Variants in C2CD2 observed in about 807,000 individuals in gnomAD.
C2CD2 encodes C2 domain-containing protein 2.
C2CD2 carries 43 observed loss-of-function variants against 74.3 expected under a neutral mutation model. The observed-to-expected ratio is 0.58, with a 90% CI of 0.45 to 0.75. C2CD2 has a LOEUF of 0.75. Among genes scored for constraint, C2CD2 ranks in the 30% least tolerant of loss-of-function variants. The pLI is 0.00. For missense variants in C2CD2, 801 were observed against 916.3 expected (o/e 0.87, Z 1.63); for synonymous variants, 422 against 390.7 (o/e 1.08, Z -0.94).
intron 2 of C2CD2, among the ~76,000 whole-genome samples, chr21:41,930,709 A>G (rs1355679533): frequency 6.8e-6 from 1 of 146,128 alleles, no homozygotes; most frequent in African/African-American, 2.4e-5. Context: ...CTCAAAACAA[A>G]ACAAAAAAAA....
intron 1 of C2CD2, among the ~76,000 whole-genome samples, chr21:41,944,881 T>C (rs1349028932): frequency 1.3e-5 from 2 of 152,134 alleles, no homozygotes; most frequent in East Asian, 1.9e-4. Context: ...AAACAGACTA[T>C]AGAAACCCCG....
chr21:41,930,469 G>A (rs781182986), intron 2 of C2CD2, among the ~76,000 whole-genome samples: 17 of 150,224 alleles, frequency 1.1e-4, no homozygotes, highest in Admixed American at 2.7e-4. Flanking sequence ...TTGGGAAGCC[G>A]AGGTGGGCGG....
chr21:41,885,483 T>G lies in C2CD2; in HGVS notation c.*3641A>C, dbSNP rs1045071. The stretch of plus-strand genomic sequence containing the variant: ...GAATGCAAACGGTCATGGACCCAAG[T>G]TAACCTGAGTTTGCTCTGCAGGATT... On this transcript the variant is annotated 3_prime_UTR_variant, in exon 14 of 14. Transcript: ENST00000380486. 48,444 of 152,570 alleles carry G rather than the reference T, an allele frequency of 0.32. 7,926 individuals are homozygous for G. Among genetic ancestry groups the G allele is most frequent in the Middle Eastern group, 0.38 (111 of 294 alleles). 9.5% of individuals were successfully genotyped at this position (152,570 alleles called of 1,614,324 possible). A position where few individuals can be genotyped will look rare whatever the true frequency, so the allele number is the denominator to read the frequency against.
rs1268650080 is a variant in C2CD2 at position 41,889,045 on chromosome 21, C to T, written c.*79G>A. The stretch of plus-strand genomic sequence containing the variant: ...ACAAGCGGGGCATCTGGACATCCGG[C>T]GGACACACTGGCTGCGTCCTGGTGA... On this transcript the variant is annotated 3_prime_UTR_variant, in exon 14 of 14. Transcript: ENST00000380486. The T allele has an allele frequency of 6.8e-6, 7 of 1,033,952 alleles. No individual in the cohort carries two copies. In the East Asian group the frequency reaches 9.9e-5, roughly 15 times the overall value. The allele number at this position is 1,033,952 out of a possible 1,614,324, so 64.0% of individuals were successfully genotyped here.
rs1405784104 is a variant in C2CD2 at position 41,907,764 on chromosome 21, C to A, written c.1039G>T (p.Val347Phe). Residue 347 changes from valine to phenylalanine, a missense_variant, in exon 9 of 14, where the codon GTT becomes TTT. Transcript: ENST00000380486. ...TGCTTCTTAAATAAGTCCAGAGGAACTGTCGCCGTCGCCAGCAGACCTGAA... is the reference window on the plus strand; with the variant it reads ...TGCTTCTTAAATAAGTCCAGAGGAAATGTCGCCGTCGCCAGCAGACCTGAA... ...SSEGLLATAT[V>F]PLDLFKKQPS... 6.2e-7 allele frequency: 1 copy of A among 1,613,954 alleles called. No homozygotes were observed.
At chr21:41,928,992 G>A (rs1359407536) in intron 2 of C2CD2, among the ~76,000 whole-genome samples, 1 of 146,708 alleles carries the variant, frequency 6.8e-6, no homozygotes, top group Non-Finnish European at 1.5e-5. Context: ...TATCATACCT[G>A]TAATCTCAGC....
rs1601548975 is a variant in C2CD2 at position 41,897,840 on chromosome 21, G to A, written c.1870+1213C>T. Among the ~76,000 whole-genome samples the A allele has an allele frequency of 1.3e-5, 2 of 152,274 alleles. 1 individual carries two copies. The highest frequency in any genetic ancestry group is 4.1e-4 in the South Asian group (2 of 4,822). On this transcript the variant is annotated intron_variant, in intron 13 of 13. Transcript: ENST00000380486. ...TGGGCTTTGGCACCAGGGACATTTG[G>A]GACCAGAGCATGCTGCACTGTGAGG... is the stretch of plus-strand genomic sequence containing the variant.
At position 41,889,043 on chromosome 21, in the gene C2CD2, G is replaced by A. The variant is rs1181688107; in HGVS notation, c.*81C>T. The A allele has an allele frequency of 6.9e-6, 7 of 1,012,828 alleles. No individual in the cohort carries two copies. Among genetic ancestry groups the A allele is most frequent in the African/African-American group, 1.6e-5 (1 of 63,156 alleles). The allele number at this position is 1,012,828 out of a possible 1,614,324, so 62.7% of individuals were successfully genotyped here. ...AGACAAGCGGGGCATCTGGACATCC[G>A]GCGGACACACTGGCTGCGTCCTGGT... On this transcript the variant is annotated 3_prime_UTR_variant, in exon 14 of 14. Coordinates refer to ENST00000380486, the MANE Select transcript of C2CD2 (RefSeq NM_015500.2).
At chr21:41,922,213 C>T in intron 2 of C2CD2, 128 bp from the exon 3 acceptor site, 2 of 613,304 alleles carry the variant, frequency 3.3e-6, no homozygotes, top group African/African-American at 1.9e-5. Flanking sequence ...GGCTGGAGTG[C>T]AGTGGCGCGA....
chr21:41,934,983 C>G (rs796505465), intron 2 of C2CD2, among the ~76,000 whole-genome samples: 7 of 152,238 alleles, frequency 4.6e-5, no homozygotes, highest in African/African-American at 1.7e-4. Flanking sequence ...CCTCCACCTC[C>G]CAGGTTCAAG....
intron 1 of C2CD2, among the ~76,000 whole-genome samples, chr21:41,947,894 TGAA>T (rs1266758326): frequency 6.6e-6 from 1 of 152,190 alleles, no homozygotes; most frequent in African/African-American, 2.4e-5. Flanking sequence ...TTCCACGGGC[TGAA>T]GAAGTGCCTT....
intron 10 of C2CD2, 112 bp from the exon 11 acceptor site, chr21:41,905,949 A>C (rs772342576): frequency 2.5e-5 from 18 of 722,172 alleles, no homozygotes; most frequent in African/African-American, 5.2e-5. Flanking sequence ...GCAGTTGGTA[A>C]AGGCAAAGCT....
At chr21:41,938,525 ACT>A (rs746231667) in intron 2 of C2CD2, among the ~76,000 whole-genome samples, 15 of 151,786 alleles carry the variant, frequency 9.9e-5, no homozygotes, top group South Asian at 8.4e-4. Context: ...CCAAACTGAA[ACT>A]CTGTCCTCAC....
chr21:41,900,230 C>T (rs368035418), intron 12 of C2CD2, among the ~76,000 whole-genome samples: 35 of 152,128 alleles, frequency 2.3e-4, no homozygotes, highest in South Asian at 1.2e-3. Context: ...GCCGAGATTA[C>T]GCCACTGCAC....
intron 1 of C2CD2, among the ~76,000 whole-genome samples, chr21:41,950,135 A>G (rs1244344372): frequency 6.6e-6 from 1 of 152,048 alleles, no homozygotes; most frequent in Non-Finnish European, 1.5e-5. Context: ...TTAAAGTATC[A>G]TAATAAAAAA....
At position 41,901,740 on chromosome 21, in the gene C2CD2, A is replaced by C; in HGVS notation, c.1442T>G (p.Val481Gly). 2 of 1,614,028 alleles carry C rather than the reference A, an allele frequency of 1.2e-6. No individual in the cohort carries two copies. The highest frequency in any genetic ancestry group is 2.2e-5 in the South Asian group (2 of 91,078). Residue 481 changes from valine to glycine, a missense_variant, in exon 12 of 14, where the codon GTG becomes GGG. Val to Gly is a moderately radical substitution (Grantham distance 109). Coordinates refer to ENST00000380486, the MANE Select transcript of C2CD2 (RefSeq NM_015500.2). ...TLSSSDTELL[V>G]LNGSDPVAEV... is the part of the protein sequence containing the mutation. ...AGCCACTGGATCCGAACCATTCAAC[A>C]CCAACAATTCTACCAGAAGGAAGGC...
intron 1 of C2CD2, among the ~76,000 whole-genome samples, chr21:41,946,530 C>T (rs537199459): frequency 6.6e-6 from 1 of 152,180 alleles, no homozygotes; most frequent in African/African-American, 2.4e-5. Flanking sequence ...TCACCTTCCA[C>T]CAGGATTGTA....
At position 41,893,921 on chromosome 21, in the gene C2CD2, G is replaced by A. The variant is rs528026375; in HGVS notation, c.1871-4577C>T. Among the ~76,000 whole-genome samples, 5 of 152,152 alleles carry A rather than the reference G, an allele frequency of 3.3e-5. No individual in the cohort carries two copies. In the South Asian group the frequency reaches 8.3e-4, roughly 25 times the overall value. ...TCACCATATTGGTCAGGCTGGTCTCGAACTCCTGACCTCGTGATCCGCCCA... is the reference window on the plus strand; with the variant it reads ...TCACCATATTGGTCAGGCTGGTCTCAAACTCCTGACCTCGTGATCCGCCCA... On this transcript the variant is annotated intron_variant, in intron 13 of 13. Coordinates refer to ENST00000380486, the MANE Select transcript of C2CD2 (RefSeq NM_015500.2).
At position 41,903,680 on chromosome 21, in the gene C2CD2, C is replaced by G. The variant is rs2064926306; in HGVS notation, c.1433-1931G>C. Among the ~76,000 whole-genome samples, 1 of 152,142 alleles carries G rather than the reference C, an allele frequency of 6.6e-6. No individual in the cohort carries two copies. Among genetic ancestry groups the G allele is most frequent in the South Asian group, 2.1e-4 (1 of 4,818 alleles). The stretch of plus-strand genomic sequence containing the variant: ...GCCACCAAGGGAGACGTGTCGGGAG[C>G]ACGTCCTCCTCACGCCAGGCCCAGT... On this transcript the variant is annotated intron_variant, in intron 11 of 13. Transcript: ENST00000380486. This position sits in a 1 kb window ranked among gnomAD's most constrained non-coding sequence, Gnocchi z 4.5.
Sources: allele counts gnomAD v4.1 joint callset (sites outside exome capture counted in the v4.1 genomes callset), GRCh38; gene constraint gnomAD v4.1.1; non-coding constraint Gnocchi (gnomAD v3.1); transcripts MANE v1.5; gene names NCBI Gene and HGNC (gene_info 2026-07-23, HGNC 2026-07-21).